NF1: variants seen among roughly 807,000 people sequenced by gnomAD.
NF1 encodes the protein neurofibromin 1.
In NF1, 122 loss-of-function variants were observed where a neutral mutation model predicts 325.7. The observed-to-expected ratio is 0.37, with a 90% CI of 0.32 to 0.44. NF1 has a LOEUF of 0.44. Ranked by LOEUF, NF1 falls within the 20% of genes least tolerant of loss-of-function variation. The pLI is 1.00. For missense variants in NF1, 2,140 were observed against 3,415.4 expected (o/e 0.63, Z 9.31); for synonymous variants, 1,091 against 1,186.0 (o/e 0.92, Z 1.65).
chr17:31,348,907 A>T (rs1025750193), intron 48 of NF1, among the ~76,000 whole-genome samples: 1 of 152,082 alleles, frequency 6.6e-6, no homozygotes, highest in Non-Finnish European at 1.5e-5. Flanking sequence ...GGAATATTAT[A>T]TTCTACACAT....
At chr17:31,361,081 CAAAAAA>C (rs60249232) in intron 57 of NF1, 6 of 46,546 alleles carry the variant, frequency 1.3e-4, no homozygotes, top group African/African-American at 2.0e-4. Flanking sequence ...CATACTATAT[CAAAAAA>C]AAAAAAAAAA....
intron 39 of NF1, 24 bp from the exon 40 acceptor site, chr17:31,334,814 T>A: frequency 3.2e-6 from 5 of 1,565,620 alleles, no homozygotes; most frequent in Non-Finnish European, 3.5e-6. Context: ...GACCATCACA[T>A]GCTAATAGTG....
At chr17:31,218,953 C>A in intron 13 of NF1, 52 bp from the exon 14 acceptor site, 1 of 1,510,562 alleles carries the variant, frequency 6.6e-7, no homozygotes, top group African/African-American at 1.4e-5. Context: ...TCCTTCTAAT[C>A]TCTCTCGATT....
rs149055633 is a variant in NF1, at chr17:31,352,319, C to T, written c.7520C>T (p.Thr2507Ile). The change falls in exon 51 of 58, where the codon ACC (threonine) becomes ATC (isoleucine). Residue 2507 changes from threonine (T) to isoleucine (I), a missense_variant. Coordinates refer to ENST00000358273, the MANE Select transcript of NF1 (RefSeq NM_001042492.3). The stretch of plus-strand genomic sequence containing the variant: ...GGTTCTGAAGGATACCTTGCAGCCA[C>T]CTATCCAACTGTCGGCCAGACCAGT... ...PKGSEGYLAA[T>I]YPTVGQTSPR... 1.2e-4 allele frequency: 197 copies of T among 1,614,026 alleles called. No homozygotes were observed. The highest frequency in any genetic ancestry group is 1.6e-4 in the Non-Finnish European group (192 of 1,180,032).
chr17:31,377,480 A>G lies in NF1; in HGVS notation c.*3325A>G. 8.6e-6 allele frequency: 2 copies of G among 233,034 alleles called. No homozygotes were observed. The highest frequency in any genetic ancestry group is 1.7e-5 in the Non-Finnish European group (2 of 117,688). 14.4% of individuals were successfully genotyped at this position (233,034 alleles called of 1,614,324 possible). On this transcript the variant is annotated 3_prime_UTR_variant, in exon 58 of 58. Transcript: ENST00000358273. ...CTAAACTTTGGCAGTTCCTTTGTCTACAACCTTGTTAATACTGTAAACAGT... is the reference window on the plus strand; with the variant it reads ...CTAAACTTTGGCAGTTCCTTTGTCTGCAACCTTGTTAATACTGTAAACAGT...
chr17:31,133,130 A>T (rs1027824065), intron 1 of NF1: 1 of 152,174 alleles, frequency 6.6e-6, no homozygotes, highest in African/African-American at 2.4e-5. Context: ...TACTCATTAA[A>T]CTAGAACTTC....
rs2066994164 is a variant in NF1, at chr17:31,225,254, A to G, written c.2001+4A>G. On this transcript the variant is annotated splice_donor_region_variant and intron_variant, in intron 17 of 57. Transcript: ENST00000358273. ...GGGAAAAGGGAACTCCTCTATGGTC[A>G]GCTTCTTCTGTACTTTTTCTGTATC... 1.9e-6 allele frequency: 3 copies of G among 1,613,428 alleles called. No individual in the cohort carries two copies. Among genetic ancestry groups the G allele is most frequent in the Non-Finnish European group, 2.5e-6 (3 of 1,179,506 alleles).
Position 31,349,109 on chromosome 17 carries a change from G to GTTTT in NF1, c.7190-8_7190-5dup. The GTTTT allele has an allele frequency of 6.4e-7, 1 of 1,568,776 alleles. No homozygotes were observed. Among genetic ancestry groups the GTTTT allele is most frequent in the East Asian group, 2.3e-5 (1 of 42,570 alleles). ...TACTTGTTTGTTTGTTTGTTTGTTT[G>GTTTT]TTTTTTGTAGGGTACAGGCATCCTT... On this transcript the variant is annotated splice_polypyrimidine_tract_variant and intron_variant, in intron 48 of 57. Transcript: ENST00000358273.
At chr17:31,263,120 T>TAGATAGATAAGATAAGATA (rs149743607) in intron 35 of NF1, among the ~76,000 whole-genome samples, 4 of 95,632 alleles carry the variant, frequency 4.2e-5, no homozygotes, top group Admixed American at 9.9e-5. Flanking sequence ...GATAGATAGA[T>TAGATAGATAAGATAAGATA]AGATAAGATA....
intron 36 of NF1, among the ~76,000 whole-genome samples, chr17:31,292,837 C>T (rs2068369345): frequency 6.6e-6 from 1 of 152,106 alleles, no homozygotes. Flanking sequence ...TCTAAGACAG[C>T]ATTGAGTTTT....
chr17:31,206,735 G>A (rs2066631263), intron 12 of NF1, among the ~76,000 whole-genome samples: 1 of 152,042 alleles, frequency 6.6e-6, no homozygotes, highest in Non-Finnish European at 1.5e-5. Flanking sequence ...TGACTCCTGG[G>A]TTAGAGTGAA....
At chr17:31,197,301 C>T (rs893436224) in intron 8 of NF1, among the ~76,000 whole-genome samples, 2 of 150,634 alleles carry the variant, frequency 1.3e-5, no homozygotes, top group African/African-American at 4.9e-5. Context: ...CCGCCTCGAC[C>T]TCCCAAAGTG....
chr17:31,230,011 A>G (rs1317473398), intron 22 of NF1, 37 bp downstream of exon 22: 1 of 1,610,834 alleles, frequency 6.2e-7, no homozygotes, highest in East Asian at 2.2e-5. Flanking sequence ...AAACATTTTA[A>G]GAGATAAGAA....
rs1597757745 is a variant in NF1 at position 31,269,517 on chromosome 17, G to A, written c.4835+4178G>A. 2.6e-5 allele frequency among the ~76,000 whole-genome samples: 4 copies of A among 152,300 alleles called. 1 individual carries two copies. ...TTTGCTTGTTACAAGTGACAGAAATGCAATTCAAATTTATGTGTGCCAAAA... is the reference window on the plus strand; with the variant it reads ...TTTGCTTGTTACAAGTGACAGAAATACAATTCAAATTTATGTGTGCCAAAA... On this transcript the variant is annotated intron_variant, in intron 36 of 57. Coordinates refer to ENST00000358273, the MANE Select transcript of NF1 (RefSeq NM_001042492.3).
intron 8 of NF1, among the ~76,000 whole-genome samples, chr17:31,196,212 A>G (rs1168549477): frequency 1.3e-5 from 2 of 151,412 alleles, no homozygotes; most frequent in Admixed American, 6.6e-5. Flanking sequence ...CACGTTTACT[A>G]TTTTATTGGT....
At chr17:31,287,994 G>C (rs1172248102) in intron 36 of NF1, among the ~76,000 whole-genome samples, 1 of 151,230 alleles carries the variant, frequency 6.6e-6, no homozygotes, top group African/African-American at 2.4e-5. Flanking sequence ...TGACGAGTTA[G>C]TGGGTGCAGC....
chr17:31,300,350 G>A (rs1383130054), intron 36 of NF1, among the ~76,000 whole-genome samples: 2 of 151,944 alleles, frequency 1.3e-5, no homozygotes, highest in Admixed American at 6.6e-5. Flanking sequence ...TAAAAAAAAT[G>A]TAAGCATATG....
chr17:31,172,351 GTCTCTC>G (rs968759244), intron 5 of NF1, among the ~76,000 whole-genome samples: 26 of 39,398 alleles, frequency 6.6e-4, no homozygotes, highest in Middle Eastern at 0.033. Flanking sequence ...CTGTCTCTCT[GTCTCTC>G]TCTCTCTCTC....
In NF1 at chr17:31,252,977, G is replaced by GAA; in HGVS notation, c.4156_4157dup (p.Glu1387ArgfsTer20). The GAA allele has an allele frequency of 6.2e-7, 1 of 1,612,990 alleles. No individual in the cohort carries two copies. The highest frequency in any genetic ancestry group is 1.1e-5 in the South Asian group (1 of 91,048). On this transcript the variant is annotated frameshift_variant, in exon 31 of 58. Coordinates refer to ENST00000358273, the MANE Select transcript of NF1 (RefSeq NM_001042492.3). LOFTEE classifies it high-confidence loss of function. ...CCTACTGAATAAAGCTACAGTAAAAGAAAAAAAGGAAAACAAAAAATCAGT... is the reference window on the plus strand; with the variant it reads ...CCTACTGAATAAAGCTACAGTAAAAGAAAAAAAAAGGAAAACAAAAAATCAGT...
Sources: allele counts gnomAD v4.1 joint callset (sites outside exome capture counted in the v4.1 genomes callset), GRCh38; gene constraint gnomAD v4.1.1; transcripts MANE v1.5; gene names NCBI Gene and HGNC (gene_info 2026-07-23, HGNC 2026-07-21).